The following GRIN2B variants were observed in gnomAD, a reference collection of about 807,000 sequenced individuals.
GRIN2B encodes the protein glutamate receptor ionotropic, NMDA 2B.
A neutral mutation model predicts 114.5 loss-of-function variants in GRIN2B; 5 were observed. The observed-to-expected ratio is 0.04, with a 90% CI of 0.02 to 0.09. The LOEUF is 0.09. GRIN2B is among the 10% of genes least tolerant of loss of function. GRIN2B has a pLI of 1.00. For synonymous variants in GRIN2B, 787 were observed against 745.1 expected, an observed-to-expected ratio of 1.06 and a Z score of -0.92; for missense variants, 1,108 against 1,943.5, an observed-to-expected ratio of 0.57 and a Z score of 8.08.
intron 4 of GRIN2B, among the ~76,000 whole-genome samples, chr12:13,690,467 T>C (rs186204073): frequency 0.033 from 5,032 of 152,138 alleles, 281 homozygotes; most frequent in African/African-American, 0.12. Flanking sequence ...AAAAAAAGAA[T>C]AAATTCTAAA....
intron 2 of GRIN2B, among the ~76,000 whole-genome samples, chr12:13,943,954 G>C (rs768854177): frequency 6.6e-6 from 1 of 152,188 alleles, no homozygotes; most frequent in South Asian, 2.1e-4. Flanking sequence ...ACAGTTCATG[G>C]CACATAGTAG....
chr12:13,782,562 T>C (rs1864137829), intron 3 of GRIN2B, among the ~76,000 whole-genome samples: 1 of 152,212 alleles, frequency 6.6e-6, no homozygotes. Flanking sequence ...GAATTCTAGA[T>C]TATCTCTCAG....
chr12:13,698,622 T>C (rs1211189589), intron 4 of GRIN2B, among the ~76,000 whole-genome samples: 1 of 152,228 alleles, frequency 6.6e-6, no homozygotes, highest in Non-Finnish European at 1.5e-5. Flanking sequence ...AAAAAATATA[T>C]TTTAAAAACC....
chr12:13,554,678 T>C lies in GRIN2B; in HGVS notation c.*8105A>G, dbSNP rs1948457294. ...GTACTGACAAGAGTAGATTCAAATA[T>C]AAAATATTGGAACAATGCTAAAAGA... On this transcript the variant is annotated 3_prime_UTR_variant, in exon 14 of 14. Transcript: ENST00000609686. The C allele has an allele frequency of 6.6e-6, 1 of 152,088 alleles. No homozygotes were observed. The highest frequency in any genetic ancestry group is 6.6e-5 in the Admixed American group (1 of 15,260). The allele number at this position is 152,088 out of a possible 1,614,324, so 9.4% of individuals were successfully genotyped here. A position where few individuals can be genotyped will look rare whatever the true frequency, so the allele number is the denominator to read the frequency against.
intron 5 of GRIN2B, among the ~76,000 whole-genome samples, chr12:13,636,695 C>A (rs555755798): frequency 6.6e-6 from 1 of 152,180 alleles, no homozygotes; most frequent in Non-Finnish European, 1.5e-5. Flanking sequence ...TTTACTGAGA[C>A]AGATCCTGGG....
chr12:13,733,514 G>T (rs371716920), intron 4 of GRIN2B, among the ~76,000 whole-genome samples: 8 of 152,150 alleles, frequency 5.3e-5, no homozygotes, highest in African/African-American at 1.9e-4. Context: ...ATAAAATCTG[G>T]CCTATTTATT....
chr12:13,961,923 T>A (rs1867699872), intron 2 of GRIN2B, among the ~76,000 whole-genome samples: 1 of 152,084 alleles, frequency 6.6e-6, no homozygotes, highest in African/African-American at 2.4e-5. Flanking sequence ...GAAGAGCAAT[T>A]CTCAGACTTG....
chr12:13,955,306 A>G (rs1867569847), intron 2 of GRIN2B, among the ~76,000 whole-genome samples: 1 of 152,212 alleles, frequency 6.6e-6, no homozygotes, highest in Non-Finnish European at 1.5e-5. Flanking sequence ...GATCTGACCT[A>G]TAGATAAACC....
chr12:13,667,949 T>C (rs553160701), intron 5 of GRIN2B, among the ~76,000 whole-genome samples: 5 of 151,392 alleles, frequency 3.3e-5, no homozygotes, highest in African/African-American at 1.2e-4. Flanking sequence ...AAACATAGAA[T>C]TTTCTCATCT....
chr12:13,798,278 T>C (rs1193650754), intron 3 of GRIN2B, among the ~76,000 whole-genome samples: 1 of 149,118 alleles, frequency 6.7e-6, no homozygotes, highest in East Asian at 1.9e-4. Flanking sequence ...AAGGAAATAG[T>C]ATCATTCATT....
At chr12:13,590,728 T>C (rs1948998738) in intron 10 of GRIN2B, among the ~76,000 whole-genome samples, 3 of 152,174 alleles carry the variant, frequency 2.0e-5, no homozygotes, top group South Asian at 2.1e-4. Flanking sequence ...TGTGTCTTTA[T>C]AGTAGAATGA....
intron 4 of GRIN2B, among the ~76,000 whole-genome samples, chr12:13,745,222 C>T (rs73053619): frequency 0.095 from 14,444 of 152,168 alleles, 882 homozygotes; most frequent in Non-Finnish European, 0.14. Flanking sequence ...ATGTCTGTAA[C>T]CAGAAATGAC....
rs1037925336 is a variant in GRIN2B, at chr12:13,554,803, G to T, written c.*7980C>A. 2 of 152,164 alleles carry T rather than the reference G, an allele frequency of 1.3e-5. No homozygotes were observed. Among genetic ancestry groups the T allele is most frequent in the African/African-American group, 4.8e-5 (2 of 41,444 alleles). 9.4% of individuals were successfully genotyped at this position (152,164 alleles called of 1,614,324 possible). On this transcript the variant is annotated 3_prime_UTR_variant, in exon 14 of 14. Coordinates refer to ENST00000609686, the MANE Select transcript of GRIN2B (RefSeq NM_000834.5). ...GTAGGCTTTTCAAATTTTTAGATAT[G>T]CAGGATGAAGAAAATGGAGGAGGCA...
chr12:13,616,313 G>A, intron 6 of GRIN2B, 142 bp downstream of exon 6: 1 of 707,500 alleles, frequency 1.4e-6, no homozygotes, highest in Non-Finnish European at 2.6e-6. Flanking sequence ...AGGGCTGCCA[G>A]TAATCCCACA....
chr12:13,921,312 C>T (rs541387648), intron 2 of GRIN2B, among the ~76,000 whole-genome samples: 5 of 152,194 alleles, frequency 3.3e-5, no homozygotes, highest in East Asian at 1.9e-4. Context: ...GCATGAGAAT[C>T]GCTTGAACCC....
intron 4 of GRIN2B, among the ~76,000 whole-genome samples, chr12:13,686,096 A>C (rs900871241): frequency 1.3e-5 from 2 of 152,150 alleles, no homozygotes; most frequent in African/African-American, 2.4e-5. Context: ...TATCAGTCAA[A>C]CCCACATCTT....
chr12:13,762,090 A>T (rs760853105), intron 3 of GRIN2B, among the ~76,000 whole-genome samples: 6 of 152,118 alleles, frequency 3.9e-5, no homozygotes, highest in Non-Finnish European at 1.5e-5. Context: ...TGCAACCTCC[A>T]TCTCCCAGGT....
intron 3 of GRIN2B, among the ~76,000 whole-genome samples, chr12:13,833,341 A>G (rs1865188394): frequency 6.6e-6 from 1 of 152,172 alleles, no homozygotes; most frequent in Non-Finnish European, 1.5e-5. Flanking sequence ...TGAATACCCT[A>G]GAACCTGGCT....
At position 13,825,496 on chromosome 12, in the gene GRIN2B, TTG is replaced by T. The variant is rs55893904; in HGVS notation, c.411+40300_411+40301del. ...TATATATAATAAATATATATATATTTTGTGTGTGTGTGTGTGTGTGTGTGTGT... is the reference window on the plus strand; with the variant it reads ...TATATATAATAAATATATATATATTTTGTGTGTGTGTGTGTGTGTGTGTGT... On this transcript the variant is annotated intron_variant, in intron 3 of 13. Transcript: ENST00000609686. Among the ~76,000 whole-genome samples the T allele has an allele frequency of 6.5e-3, 802 of 122,950 alleles. 5 individuals carry two copies. Among genetic ancestry groups the T allele is most frequent in the Non-Finnish European group, 0.01 (615 of 61,230 alleles). The allele number at this position is 122,950 out of a possible 152,430, so 80.7% of individuals were successfully genotyped here.
Sources: allele counts gnomAD v4.1 joint callset (sites outside exome capture counted in the v4.1 genomes callset), GRCh38; gene constraint gnomAD v4.1.1; transcripts MANE v1.5; gene names NCBI Gene and HGNC (gene_info 2026-07-23, HGNC 2026-07-21).